The following ICA1L variants were observed in gnomAD, a reference collection of about 807,000 sequenced individuals.
The protein encoded by ICA1L is islet cell autoantigen 1 like.
In ICA1L, 50 loss-of-function variants were observed where a neutral mutation model predicts 61.3. The ratio of observed to expected loss-of-function variants is 0.82; its 90% CI spans 0.65 to 1.03. The LOEUF is 1.03. ICA1L is among the 50% of genes least tolerant of loss of function. ICA1L has a pLI of 0.00. For synonymous variants in ICA1L, 161 were observed against 191.3 expected (o/e 0.84, Z 1.31); for missense variants, 508 against 556.7 (o/e 0.91, Z 0.88).
chr2:202,817,220 AAG>A (rs1693562319), intron 6 of ICA1L, among the ~76,000 whole-genome samples, 196 bp downstream of exon 6: 1 of 152,166 alleles, frequency 6.6e-6, no homozygotes, highest in African/African-American at 2.4e-5. Context: ...TTTGACACCA[AAG>A]AGAAGAGCTA....
At chr2:202,860,394 C>G (rs913368858) in intron 1 of ICA1L, 5 of 151,710 alleles carry the variant, frequency 3.3e-5, no homozygotes, top group African/African-American at 4.8e-5. Context: ...CTATGTAACA[C>G]CATTAAAAAG....
At chr2:202,826,183 A>C (rs1450146213) in intron 2 of ICA1L, among the ~76,000 whole-genome samples, 1 of 152,188 alleles carries the variant, frequency 6.6e-6, no homozygotes, top group East Asian at 1.9e-4. Context: ...GGTCTAAACA[A>C]AACAGATTAG....
chr2:202,816,624 A>G (rs762675138), intron 6 of ICA1L, among the ~76,000 whole-genome samples: 1 of 152,216 alleles, frequency 6.6e-6, no homozygotes, highest in East Asian at 1.9e-4. Flanking sequence ...TGCTAAACAG[A>G]TATCACACAC....
chr2:202,790,162 C>CTTTT (rs1692703299), intron 10 of ICA1L, among the ~76,000 whole-genome samples: 2 of 152,022 alleles, frequency 1.3e-5, no homozygotes, highest in Non-Finnish European at 2.9e-5. Context: ...CAATTGAGGT[C>CTTTT]TTTAAATTTG....
intron 1 of ICA1L, among the ~76,000 whole-genome samples, chr2:202,831,340 A>G (rs1482474451): frequency 2.6e-5 from 4 of 152,188 alleles, no homozygotes; most frequent in South Asian, 2.1e-4. Flanking sequence ...TGACACATCA[A>G]GCGTCTTGAG....
chr2:202,805,875 TA>T (rs201299989), intron 9 of ICA1L, among the ~76,000 whole-genome samples: 3 of 151,970 alleles, frequency 2.0e-5, no homozygotes, highest in African/African-American at 4.8e-5. Flanking sequence ...CTTTGTGACT[TA>T]AAAAAAAGTT....
intron 3 of ICA1L, among the ~76,000 whole-genome samples, chr2:202,822,483 T>C (rs1693727762): frequency 6.6e-6 from 1 of 152,152 alleles, no homozygotes; most frequent in Non-Finnish European, 1.5e-5. Context: ...TTCATTTTTA[T>C]TGAATTTTAC....
intron 1 of ICA1L, among the ~76,000 whole-genome samples, chr2:202,848,945 T>C (rs568622031): frequency 2.6e-5 from 4 of 152,060 alleles, no homozygotes; most frequent in African/African-American, 9.6e-5. Context: ...ACCCAGTTCA[T>C]CTCACTGGGA....
intron 3 of ICA1L, among the ~76,000 whole-genome samples, chr2:202,823,932 C>G (rs981564057): frequency 2.0e-5 from 3 of 152,108 alleles, no homozygotes; most frequent in Non-Finnish European, 1.5e-5. Flanking sequence ...AATAATCATG[C>G]TTTATTGGAT....
At chr2:202,800,128 G>C (rs372794457) in intron 9 of ICA1L, among the ~76,000 whole-genome samples, 1 of 151,874 alleles carries the variant, frequency 6.6e-6, no homozygotes, top group African/African-American at 2.4e-5. Context: ...TGATCTGCCC[G>C]CCTTGGCCTC....
intron 9 of ICA1L, among the ~76,000 whole-genome samples, chr2:202,798,344 CAGTAGCTGGGACTCATCCCA>C: frequency 6.6e-6 from 1 of 152,138 alleles, no homozygotes; most frequent in Non-Finnish European, 1.5e-5. Context: ...CTTCCCACCT[CAGTAGCTGGGACTCATCCCA>C]AGTAGCTGGG....
At position 202,775,610 on chromosome 2, in the gene ICA1L, C is replaced by G. The variant is rs1692196128; in HGVS notation, c.*3923G>C. On this transcript the variant is annotated 3_prime_UTR_variant, in exon 13 of 13. Transcript: ENST00000358299. ...CTCAGCTCACTGCAACCTCCACCTC[C>G]CGGGTTCAAGCGATTCTCCTGCCTC... 1 of 152,254 alleles carries G rather than the reference C, an allele frequency of 6.6e-6. No homozygotes were observed. Among genetic ancestry groups the G allele is most frequent in the Admixed American group, 6.5e-5 (1 of 15,282 alleles). 9.4% of individuals were successfully genotyped at this position (152,254 alleles called of 1,614,324 possible). A position where few individuals can be genotyped will look rare whatever the true frequency, so the allele number is the denominator to read the frequency against.
chr2:202,782,615 G>T (rs1692448353), intron 12 of ICA1L, among the ~76,000 whole-genome samples: 1 of 151,972 alleles, frequency 6.6e-6, no homozygotes, highest in South Asian at 2.1e-4. Flanking sequence ...CACCATGTTG[G>T]CCAGGCTGGT....
intron 1 of ICA1L, among the ~76,000 whole-genome samples, chr2:202,863,856 C>A (rs189934627): frequency 1.4e-4 from 21 of 149,788 alleles, no homozygotes; most frequent in Admixed American, 6.6e-4. Context: ...AAAGAAGGAA[C>A]GTCACTATAG....
intron 6 of ICA1L, 48 bp from the exon 7 acceptor site, chr2:202,816,057 ATTTTT>A (rs767721071): frequency 6.7e-6 from 8 of 1,193,100 alleles, no homozygotes; most frequent in Non-Finnish European, 9.4e-6. Context: ...CCCCTCCATG[ATTTTT>A]TAAGTGCTAT....
chr2:202,779,736 T>TC, intron 12 of ICA1L, 88 bp from the exon 13 acceptor site: 1 of 691,384 alleles, frequency 1.4e-6, no homozygotes, highest in East Asian at 2.8e-5. Context: ...AGTAGGTGCT[T>TC]CTTTTGGATT....
chr2:202,814,614 T>C (rs1381200106), intron 8 of ICA1L, 88 bp downstream of exon 8: 2 of 829,930 alleles, frequency 2.4e-6, no homozygotes, highest in Non-Finnish European at 4.0e-6. Context: ...AAATATTCAG[T>C]AAGAGAAGAA....
chr2:202,854,546 T>C (rs1205661848), intron 1 of ICA1L, among the ~76,000 whole-genome samples: 3 of 152,206 alleles, frequency 2.0e-5, no homozygotes, highest in African/African-American at 2.4e-5. Context: ...GCGGACCTAA[T>C]AGACATCTAC....
At chr2:202,827,901 A>G (rs1391324396) in intron 2 of ICA1L, among the ~76,000 whole-genome samples, 1 of 152,214 alleles carries the variant, frequency 6.6e-6, no homozygotes, top group East Asian at 1.9e-4. Flanking sequence ...TATTTTTAAG[A>G]ATCCCACCAT....
Sources: allele counts gnomAD v4.1 joint callset (sites outside exome capture counted in the v4.1 genomes callset), GRCh38; gene constraint gnomAD v4.1.1; transcripts MANE v1.5; gene names NCBI Gene and HGNC (gene_info 2026-07-23, HGNC 2026-07-21).